Variants in SRFBP1 observed in about 807,000 individuals in gnomAD.
SRFBP1 encodes the protein serum response factor-binding protein 1.
In SRFBP1, 47 loss-of-function variants were observed where a neutral mutation model predicts 45.5. The observed-to-expected ratio is 1.03, with a 90% CI of 0.82 to 1.32. The LOEUF is 1.32. SRFBP1 is among the 40% of genes most tolerant of loss of function. The pLI, the probability that SRFBP1 is intolerant of heterozygous loss-of-function variation, is 0.00. For missense variants in SRFBP1, 621 were observed against 484.6 expected, an observed-to-expected ratio of 1.28 and a Z score of -2.64; for synonymous variants, 203 against 166.3, an observed-to-expected ratio of 1.22 and a Z score of -1.70.
rs193168690 is a variant in SRFBP1, at chr5:122,046,916, G to A, written n.311+24509G>A. 1.8e-3 allele frequency among the ~76,000 whole-genome samples: 271 copies of A among 152,182 alleles called. 2 individuals carry two copies. The highest frequency in any genetic ancestry group is 6.2e-3 in the African/African-American group (258 of 41,526). On this transcript the variant is annotated intron_variant and non_coding_transcript_variant, in intron 2 of 2. Coordinates refer to the SRFBP1 transcript ENST00000504881. ...CTGTTTGTTTTTTTCTTGTAAATTT[G>A]TTTGAGTTCATTGTAGATTCTGGAT... is the stretch of plus-strand genomic sequence containing the variant.
At chr5:122,030,448 A>T (rs1400938203), downstream of SRFBP1, among the ~76,000 whole-genome samples, 5 of 152,158 alleles carry the variant, frequency 3.3e-5, no homozygotes, top group Non-Finnish European at 7.4e-5. Flanking sequence ...GTTTCTTCAG[A>T]CACATTCCCT....
At chr5:121,970,355 GTT>G (rs1752160892) in intron 1 of SRFBP1, among the ~76,000 whole-genome samples, 1 of 152,084 alleles carries the variant, frequency 6.6e-6, no homozygotes, top group Admixed American at 6.6e-5. Flanking sequence ...TATTAGTTTA[GTT>G]AACAGTGGTT....
At chr5:122,057,866 C>T (rs922433153) in intron 2 of SRFBP1, among the ~76,000 whole-genome samples, 2 of 151,588 alleles carry the variant, frequency 1.3e-5, no homozygotes, top group African/African-American at 4.9e-5. Flanking sequence ...TTTGTAGAGA[C>T]GGAGTCTTTT....
At chr5:122,062,080 T>C (rs1331728965) in intron 2 of SRFBP1, among the ~76,000 whole-genome samples, 1 of 151,922 alleles carries the variant, frequency 6.6e-6, no homozygotes, top group Non-Finnish European at 1.5e-5. Context: ...GTGGTTTCTT[T>C]ACTGCAGGAT....
chr5:122,012,575 C>A (rs1476574494), intron 4 of SRFBP1, among the ~76,000 whole-genome samples: 1 of 151,900 alleles, frequency 6.6e-6, no homozygotes, highest in East Asian at 1.9e-4. Flanking sequence ...CTGAGATTTG[C>A]AAATTACTAA....
intron 2 of SRFBP1, among the ~76,000 whole-genome samples, chr5:122,054,426 C>G (rs1561410449): frequency 1.3e-5 from 2 of 152,184 alleles, no homozygotes; most frequent in East Asian, 3.9e-4. Context: ...TGCTGGGTCC[C>G]CAGTGTGGTT....
chr5:122,035,924 TCTC>T (rs1753687009), intron 2 of SRFBP1, among the ~76,000 whole-genome samples: 1 of 152,132 alleles, frequency 6.6e-6, no homozygotes, highest in Admixed American at 6.5e-5. Flanking sequence ...ATGAGTAACA[TCTC>T]CTCCAGGACA....
At chr5:122,074,801 G>T (rs1387218627) in intron 2 of SRFBP1, among the ~76,000 whole-genome samples, 2 of 152,142 alleles carry the variant, frequency 1.3e-5, no homozygotes, top group Non-Finnish European at 2.9e-5. Flanking sequence ...AAACAATGAG[G>T]ACTGGCTTGG....
chr5:122,077,106 G>T, downstream of SRFBP1: 3 of 1,519,224 alleles, frequency 2.0e-6, no homozygotes, highest in South Asian at 3.7e-5. This position sits in a 1 kb window ranked among gnomAD's most constrained non-coding sequence, Gnocchi z 4.9. Flanking sequence ...CGCCCACCGG[G>T]ACTGCAGAGT....
chr5:121,984,623 A>G (rs1339486403), intron 3 of SRFBP1, among the ~76,000 whole-genome samples: 2 of 151,816 alleles, frequency 1.3e-5, no homozygotes, highest in Non-Finnish European at 3.0e-5. Context: ...TAACATATAC[A>G]ACATCAACAT....
chr5:122,036,038 A>G (rs1753688422), intron 2 of SRFBP1, among the ~76,000 whole-genome samples: 1 of 152,238 alleles, frequency 6.6e-6, no homozygotes. Flanking sequence ...GGAGAATACA[A>G]GTATACAGGA....
At chr5:122,013,216 A>G (rs1011122939) in intron 4 of SRFBP1, among the ~76,000 whole-genome samples, 2 of 152,120 alleles carry the variant, frequency 1.3e-5, no homozygotes, top group Non-Finnish European at 1.5e-5. Flanking sequence ...TTTTGAATAT[A>G]TTTTGTTAAG....
At chr5:122,054,419 T>C (rs1418869930) in intron 2 of SRFBP1, among the ~76,000 whole-genome samples, 1 of 152,224 alleles carries the variant, frequency 6.6e-6, no homozygotes, top group South Asian at 2.1e-4. Flanking sequence ...GCTGACTTGC[T>C]GGGTCCCCAG....
At chr5:122,063,197 C>T (rs2152582558) in intron 2 of SRFBP1, 1 of 151,992 alleles carries the variant, frequency 6.6e-6, no homozygotes, top group South Asian at 2.1e-4. Context: ...CTACTATAGA[C>T]ACTTGAAATC....
At chr5:121,992,496 C>T (rs1169634047) in intron 3 of SRFBP1, among the ~76,000 whole-genome samples, 1 of 151,902 alleles carries the variant, frequency 6.6e-6, no homozygotes, top group African/African-American at 2.4e-5. Flanking sequence ...CTGGATAATC[C>T]AGGATAATAA....
intron 2 of SRFBP1, among the ~76,000 whole-genome samples, chr5:122,054,123 T>A (rs147375621): frequency 6.6e-6 from 1 of 152,290 alleles, no homozygotes; most frequent in East Asian, 1.9e-4. Context: ...CTGATACTGA[T>A]CTGCTCCAGG....
At chr5:122,066,871 A>T in intron 2 of SRFBP1, 1 of 659,068 alleles carries the variant, frequency 1.5e-6, no homozygotes, top group Non-Finnish European at 2.8e-6. Flanking sequence ...CCACCTAAGC[A>T]GCAATCATGT....
intron 1 of SRFBP1, among the ~76,000 whole-genome samples, chr5:121,968,185 T>A (rs1201129579): frequency 6.6e-6 from 1 of 151,364 alleles, no homozygotes; most frequent in Non-Finnish European, 1.5e-5. Flanking sequence ...AGACCCCCAG[T>A]GTATGCTTAA....
chr5:122,045,517 A>T (rs142073345), intron 2 of SRFBP1, among the ~76,000 whole-genome samples: 1 of 152,056 alleles, frequency 6.6e-6, no homozygotes, highest in Non-Finnish European at 1.5e-5. Context: ...TGTTTGTGTC[A>T]TCTCTGATTT....
Sources: allele counts gnomAD v4.1 joint callset (sites outside exome capture counted in the v4.1 genomes callset), GRCh38; gene constraint gnomAD v4.1.1; non-coding constraint Gnocchi (gnomAD v3.1); transcripts MANE v1.5; gene names NCBI Gene and HGNC (gene_info 2026-07-23, HGNC 2026-07-21).